PCDHA10: variants seen among roughly 807,000 people sequenced by gnomAD.
PCDHA10 encodes protocadherin alpha-10.
PCDHA10 carries 45 observed loss-of-function variants against 61.2 expected under a neutral mutation model. The ratio of observed to expected loss-of-function variants is 0.74; its 90% confidence interval spans 0.58 to 0.94. PCDHA10 has a LOEUF of 0.94. PCDHA10 is among the 40% of genes least tolerant of loss of function. The pLI is 0.00. For synonymous variants in PCDHA10, 602 were observed against 548.8 expected (o/e 1.10, Z -1.35); for missense variants, 1,278 against 1,236.2 (o/e 1.03, Z -0.51).
At chr5:140,891,330 T>G (rs995602420) in intron 1 of PCDHA10, among the ~76,000 whole-genome samples, 14 of 152,108 alleles carry the variant, frequency 9.2e-5, no homozygotes, top group Non-Finnish European at 1.9e-4. Flanking sequence ...TGGTGGTGAT[T>G]TGTGAGATTT....
chr5:140,931,759 T>C (rs2087738384), intron 1 of PCDHA10, among the ~76,000 whole-genome samples: 2 of 151,994 alleles, frequency 1.3e-5, no homozygotes, highest in African/African-American at 4.8e-5. Flanking sequence ...GCATTTGTTA[T>C]TTACTTCTTC....
chr5:140,945,927 G>A (rs1036727708), intron 1 of PCDHA10, among the ~76,000 whole-genome samples: 1 of 152,038 alleles, frequency 6.6e-6, no homozygotes, highest in East Asian at 1.9e-4. Flanking sequence ...ACTGATCTGA[G>A]CAATGATGTT....
At chr5:140,979,836 T>C (rs1463731318) in intron 2 of PCDHA10, among the ~76,000 whole-genome samples, 2 of 152,216 alleles carry the variant, frequency 1.3e-5, no homozygotes, top group Non-Finnish European at 2.9e-5. Flanking sequence ...GAAGAAATAA[T>C]CTTCAAACTT....
Position 140,856,589 on chromosome 5 carries a change from A to G in PCDHA10, c.541A>G (p.Ile181Val). The G allele has an allele frequency of 6.3e-7, 1 of 1,597,786 alleles. No individual in the cohort carries two copies. The highest frequency in any genetic ancestry group is 8.6e-7 in the Non-Finnish European group (1 of 1,167,294). ...TCCAAATGAGTATTTTGTTCTTGAT[A>G]TTATAAACAAAAAAGACAAAGACAA... is the stretch of plus-strand genomic sequence containing the variant. ...LSPNEYFVLD[I>V]INKKDKDKFP... The change falls in exon 1 of 4, where the codon ATT becomes GTT. Residue 181 changes from isoleucine to valine, a missense_variant. Coordinates refer to ENST00000307360, the MANE Select transcript of PCDHA10 (RefSeq NM_018901.4).
intron 1 of PCDHA10, chr5:140,927,680 G>T: frequency 6.2e-7 from 1 of 1,614,140 alleles, no homozygotes; most frequent in Non-Finnish European, 8.5e-7. Context: ...CCAGATGAAG[G>T]GTCCAATGGG....
chr5:141,005,701 CAAAAAAAAAAAA>C (rs59860837), intron 3 of PCDHA10, among the ~76,000 whole-genome samples: 139 of 7,794 alleles, frequency 0.018, no homozygotes, highest in African/African-American at 0.055. Context: ...AACTCCGTCT[CAAAAAAAAAAAA>C]AAAAAAAAAA....
chr5:140,917,154 T>C (rs1415714785), intron 1 of PCDHA10, among the ~76,000 whole-genome samples: 2 of 152,112 alleles, frequency 1.3e-5, no homozygotes, highest in East Asian at 1.9e-4. Flanking sequence ...TGCTGGGGGA[T>C]ATGGGAGGGG....
intron 1 of PCDHA10, among the ~76,000 whole-genome samples, chr5:140,963,229 G>A (rs1211084766): frequency 2.6e-5 from 4 of 152,134 alleles, no homozygotes; most frequent in African/African-American, 7.2e-5. Context: ...AGTAGACACT[G>A]TTTGATGGAT....
intron 3 of PCDHA10, among the ~76,000 whole-genome samples, chr5:141,005,573 G>A (rs947306752): frequency 4.0e-5 from 6 of 151,140 alleles, no homozygotes; most frequent in Admixed American, 1.3e-4. Context: ...ATGGTGGCGC[G>A]TGCCTGTAGT....
intron 1 of PCDHA10, among the ~76,000 whole-genome samples, chr5:140,894,192 T>C (rs1554185971): frequency 4.6e-5 from 7 of 152,168 alleles, no homozygotes; most frequent in Non-Finnish European, 1.5e-5. Flanking sequence ...TTATATATTT[T>C]TTCTATGCTA....
At chr5:140,928,506 A>G (rs1554205940) in intron 1 of PCDHA10, 4 of 1,614,090 alleles carry the variant, frequency 2.5e-6, no homozygotes, top group African/African-American at 1.3e-5. Context: ...GAAGTGCAAC[A>G]GTGACTATAA....
chr5:140,895,733 G>C (rs1554186620), intron 1 of PCDHA10, among the ~76,000 whole-genome samples: 1 of 152,030 alleles, frequency 6.6e-6, no homozygotes, highest in Non-Finnish European at 1.5e-5. Context: ...CCATTCAATG[G>C]GCTGCAAAGG....
chr5:140,869,778 C>A (rs782226363), intron 1 of PCDHA10: 1 of 1,612,922 alleles, frequency 6.2e-7, no homozygotes, highest in Non-Finnish European at 8.5e-7. Context: ...TTACTGGCAC[C>A]GTTCGGCTGT....
At chr5:140,869,892 A>C in intron 1 of PCDHA10, 2 of 1,610,608 alleles carry the variant, frequency 1.2e-6, no homozygotes, top group Non-Finnish European at 1.7e-6. Context: ...TTGTGCTCAA[A>C]CTAAACGCCA....
At chr5:140,896,090 C>T (rs1312909051) in intron 1 of PCDHA10, among the ~76,000 whole-genome samples, 2 of 152,152 alleles carry the variant, frequency 1.3e-5, no homozygotes, top group African/African-American at 4.8e-5. Flanking sequence ...GGATTACAGG[C>T]GTGAGCCACT....
intron 3 of PCDHA10, among the ~76,000 whole-genome samples, chr5:140,990,421 G>A (rs374181612): frequency 2.6e-5 from 4 of 152,190 alleles, no homozygotes; most frequent in Non-Finnish European, 5.9e-5. Flanking sequence ...CTTTCAACCA[G>A]CATTGACCCA....
intron 1 of PCDHA10, among the ~76,000 whole-genome samples, chr5:140,886,130 C>T (rs2060865178): frequency 6.6e-6 from 1 of 152,144 alleles, no homozygotes; most frequent in African/African-American, 2.4e-5. Flanking sequence ...TCCGTAACAA[C>T]CAGATTCTTG....
At chr5:140,976,742 AC>A (rs1170747899) in intron 1 of PCDHA10, among the ~76,000 whole-genome samples, 1 of 151,778 alleles carries the variant, frequency 6.6e-6, no homozygotes, top group Admixed American at 6.6e-5. Context: ...CATTTTAAAA[AC>A]CTCCCAGATG....
At chr5:140,859,918 G>A (rs2046091009) in intron 1 of PCDHA10, 1 of 151,762 alleles carries the variant, frequency 6.6e-6, no homozygotes, top group Admixed American at 6.6e-5. Flanking sequence ...TATATTATAA[G>A]TAATATAAAA....
Sources: allele counts gnomAD v4.1 joint callset (sites outside exome capture counted in the v4.1 genomes callset), GRCh38; gene constraint gnomAD v4.1.1; transcripts MANE v1.5; gene names NCBI Gene and HGNC (gene_info 2026-07-23, HGNC 2026-07-21).